Variants in REEP5 observed in about 807,000 individuals in gnomAD.
REEP5 encodes receptor accessory protein 5, also known as receptor expression-enhancing protein 5.
Under a neutral mutation model 22.4 loss-of-function variants are expected in REEP5, and 24 were observed. The ratio of observed to expected loss-of-function variants is 1.07; its 90% CI spans 0.78 to 1.51. The LOEUF (loss-of-function observed/expected upper bound fraction) is 1.51, where lower values mean the gene tolerates loss of function less well. Ranked by LOEUF, REEP5 falls within the 40% of genes most tolerant of loss-of-function variation. The pLI is 0.00. For missense variants in REEP5, 252 were observed against 233.0 expected (o/e 1.08, Z -0.53); for synonymous variants, 103 against 88.6 (o/e 1.16, Z -0.92).
intron 3 of REEP5, chr5:112,896,696 G>A (rs914324218): frequency 3.9e-5 from 6 of 151,996 alleles, no homozygotes; most frequent in Non-Finnish European, 8.8e-5. Context: ...AGCACTTCGG[G>A]AGGCTGAGGT....
intron 2 of REEP5, among the ~76,000 whole-genome samples, chr5:112,906,032 G>A (rs530321284): frequency 4.7e-4 from 72 of 152,274 alleles, no homozygotes; most frequent in African/African-American, 1.6e-3. Context: ...ATTCCAACTT[G>A]GTGTATCAGA....
At chr5:112,880,800 G>A (rs1025936410) in intron 4 of REEP5, among the ~76,000 whole-genome samples, 5 of 152,188 alleles carry the variant, frequency 3.3e-5, no homozygotes, top group African/African-American at 1.2e-4. Flanking sequence ...ATTAGGCTAA[G>A]GGAAGGGAGA....
intron 2 of REEP5, among the ~76,000 whole-genome samples, chr5:112,914,547 G>A (rs1438926168): frequency 2.0e-5 from 3 of 152,182 alleles, no homozygotes; most frequent in Admixed American, 2.0e-4. Context: ...ATTAATGCCA[G>A]GAGCAATAAA....
intron 4 of REEP5, among the ~76,000 whole-genome samples, chr5:112,881,479 A>T (rs1768072674): frequency 6.6e-6 from 1 of 152,186 alleles, no homozygotes; most frequent in Non-Finnish European, 1.5e-5. Flanking sequence ...ATCCTCATCC[A>T]TTCCTCCGAA....
At chr5:112,894,511 A>G (rs979233221) in intron 3 of REEP5, 1 of 152,248 alleles carries the variant, frequency 6.6e-6, no homozygotes, top group Non-Finnish European at 1.5e-5. Flanking sequence ...ATACAACATT[A>G]TGATATGCAG....
At chr5:112,891,511 C>T in intron 3 of REEP5, 1 of 1,303,922 alleles carries the variant, frequency 7.7e-7, no homozygotes, top group Non-Finnish European at 1.1e-6. Context: ...TATAAGTATG[C>T]AAACAAAACA....
intron 2 of REEP5, among the ~76,000 whole-genome samples, chr5:112,914,366 C>G (rs935429480): frequency 2.0e-5 from 3 of 151,630 alleles, no homozygotes; most frequent in Non-Finnish European, 4.4e-5. Flanking sequence ...TCTCCCACTT[C>G]AGCTTCTGGA....
chr5:112,904,690 A>T lies in REEP5; in HGVS notation c.213-2172T>A, dbSNP rs534479095. ...ATCCAGTAAACAGACATCTTCACAT[A>T]AAAATATAAACTTAAATAGATATTT... On this transcript the variant is annotated intron_variant, in intron 2 of 4. Coordinates refer to ENST00000379638, the MANE Select transcript of REEP5 (RefSeq NM_005669.5). 1.8e-4 allele frequency among the ~76,000 whole-genome samples: 27 copies of T among 152,366 alleles called. No individual in the cohort carries two copies. In the South Asian group the frequency reaches 5.4e-3, roughly 30 times the overall value.
intron 2 of REEP5, among the ~76,000 whole-genome samples, chr5:112,917,291 C>T (rs1227288623): frequency 6.6e-6 from 1 of 152,082 alleles, no homozygotes; most frequent in Non-Finnish European, 1.5e-5. Flanking sequence ...TGTGTAGTTC[C>T]AGACCAAGCC....
chr5:112,920,924 G>A (rs1190392895), intron 2 of REEP5, among the ~76,000 whole-genome samples: 1 of 152,156 alleles, frequency 6.6e-6, no homozygotes, highest in Non-Finnish European at 1.5e-5. Flanking sequence ...CCAAAGAGAG[G>A]GGACACTGGT....
intron 2 of REEP5, among the ~76,000 whole-genome samples, chr5:112,905,724 G>A (rs1768944382): frequency 6.6e-6 from 1 of 151,976 alleles, no homozygotes; most frequent in South Asian, 2.1e-4. Flanking sequence ...GGACTCAAGT[G>A]ATCCTCCCAC....
At chr5:112,910,363 G>A (rs1217044323) in intron 2 of REEP5, among the ~76,000 whole-genome samples, 2 of 152,162 alleles carry the variant, frequency 1.3e-5, no homozygotes, top group African/African-American at 4.8e-5. Context: ...AGAGGAGGCT[G>A]TGTATGTGTA....
At chr5:112,891,714 GGCC>G (rs1176810099) in intron 3 of REEP5, 3 of 1,614,068 alleles carry the variant, frequency 1.9e-6, no homozygotes, top group Middle Eastern at 1.6e-4. Flanking sequence ...AAAAGTACAG[GGCC>G]GCCCTGAAGA....
At chr5:112,896,646 A>T (rs1004925405) in intron 3 of REEP5, 1 of 152,176 alleles carries the variant, frequency 6.6e-6, no homozygotes, top group African/African-American at 2.4e-5. Flanking sequence ...TGTTCTAAAA[A>T]TAAATCTAGC....
At chr5:112,919,494 G>A (rs1033602681) in intron 2 of REEP5, among the ~76,000 whole-genome samples, 1 of 152,144 alleles carries the variant, frequency 6.6e-6, no homozygotes. Flanking sequence ...GGGCGGCCAG[G>A]GATGGCGGTT....
At chr5:112,879,387 C>A (rs761853398) in intron 4 of REEP5, among the ~76,000 whole-genome samples, 1 of 152,004 alleles carries the variant, frequency 6.6e-6, no homozygotes, top group Non-Finnish European at 1.5e-5. Flanking sequence ...CCTACAGATA[C>A]CAAAATCTGT....
chr5:112,908,340 C>T (rs468751), intron 2 of REEP5, among the ~76,000 whole-genome samples: 78,754 of 151,690 alleles, frequency 0.52, 21,676 homozygotes, highest in African/African-American at 0.71. Context: ...TGACCTCAGG[C>T]GATCTACCCA....
chr5:112,877,497 G>GTACT lies in REEP5; in HGVS notation c.*1285_*1288dup, dbSNP rs1009942223. 2.0e-5 allele frequency: 3 copies of GTACT among 152,086 alleles called. No individual in the cohort carries two copies. The highest frequency in any genetic ancestry group is 6.5e-5 in the Admixed American group (1 of 15,268). 9.4% of individuals were successfully genotyped at this position (152,086 alleles called of 1,614,324 possible). A position where few individuals can be genotyped will look rare whatever the true frequency, so the allele number is the denominator to read the frequency against. On this transcript the variant is annotated 3_prime_UTR_variant, in exon 5 of 5. Coordinates refer to ENST00000379638, the MANE Select transcript of REEP5 (RefSeq NM_005669.5). ...ACATCCGTTTTAACTTTACTGTTCTGTACTTACTATGTAGTCATGTGCAGC... is the reference window on the plus strand; with the variant it reads ...ACATCCGTTTTAACTTTACTGTTCTGTACTTACTTACTATGTAGTCATGTGCAGC...
At chr5:112,905,695 A>G (rs1768942599) in intron 2 of REEP5, among the ~76,000 whole-genome samples, 1 of 152,072 alleles carries the variant, frequency 6.6e-6, no homozygotes, top group African/African-American at 2.4e-5. Flanking sequence ...ATCACAACTC[A>G]CTGCGGCCTC....
Sources: gnomAD v4.1 joint callset for allele counts (sites outside exome capture counted in the v4.1 genomes callset) on GRCh38, gnomAD v4.1.1 for gene constraint, MANE v1.5 for transcripts, NCBI Gene and HGNC (gene_info 2026-07-23, HGNC 2026-07-21) for gene names.